NSD2: variants seen among roughly 807,000 people sequenced by gnomAD.
The protein encoded by NSD2 is histone-lysine N-methyltransferase NSD2.
NSD2 carries 12 observed loss-of-function variants against 139.0 expected under a neutral mutation model. The observed-to-expected ratio is 0.09, with a 90% confidence interval of 0.06 to 0.14. NSD2 has a LOEUF of 0.14. Ranked by LOEUF, NSD2 falls within the 10% of genes least tolerant of loss-of-function variation. The pLI, the probability that NSD2 is intolerant of heterozygous loss-of-function variation, is 1.00. For synonymous variants in NSD2, 669 were observed against 648.7 expected (o/e 1.03, Z -0.48); for missense variants, 1,155 against 1,745.0 (o/e 0.66, Z 6.02).
chr4:1,933,353 GACAGCGTCCTTCAGGGCA>G (rs1721902966), intron 6 of NSD2, among the ~76,000 whole-genome samples: 1 of 152,216 alleles, frequency 6.6e-6, no homozygotes, highest in Admixed American at 6.5e-5. Context: ...GCTTGAGGGT[GACAGCGTCCTTCAGGGCA>G]ACAGTGTCCT....
At position 1,906,927 on chromosome 4, in the gene NSD2, C is replaced by T. The variant is rs569456866; in HGVS notation, c.760+2549C>T. 2.4e-3 allele frequency among the ~76,000 whole-genome samples: 368 copies of T among 152,230 alleles called. 3 individuals carry two copies. The highest frequency in any genetic ancestry group is 4.6e-3 in the Non-Finnish European group (313 of 68,004). ...CTGCCCACCTCGGCCTCCCAAAGTG[C>T]TGGGATTACAGGCGTGAGCCACCGT... On this transcript the variant is annotated intron_variant, in intron 3 of 21. Transcript: ENST00000508803.
At chr4:1,872,629 A>AGAGAGAGC (rs1553856462) in intron 1 of NSD2, among the ~76,000 whole-genome samples, 93 of 142,656 alleles carry the variant, frequency 6.5e-4, no homozygotes, top group African/African-American at 2.2e-3. Flanking sequence ...AGAGAGAGAG[A>AGAGAGAGC]GAGAGAGCGC....
chr4:1,930,908 A>T, intron 6 of NSD2, 138 bp downstream of exon 6: 1 of 1,094,326 alleles, frequency 9.1e-7, no homozygotes, highest in Non-Finnish European at 1.3e-6. Flanking sequence ...CCAGCGGTCC[A>T]AGTGCGTGTG....
intron 2 of NSD2, among the ~76,000 whole-genome samples, chr4:1,903,546 G>A (rs1717473966): frequency 6.6e-6 from 1 of 152,074 alleles, no homozygotes; most frequent in South Asian, 2.1e-4. Flanking sequence ...TGACTGGAGG[G>A]GCAGAAGTCA....
chr4:1,935,062 G>T, intron 6 of NSD2, 82 bp from the exon 7 acceptor site: 1 of 1,028,804 alleles, frequency 9.7e-7, no homozygotes, highest in Non-Finnish European at 1.4e-6. Flanking sequence ...TATGTTGAAT[G>T]CCCTGGGTAG....
At chr4:1,943,429 TA>T (rs528090663) in intron 9 of NSD2, 1,387 of 1,043,456 alleles carry the variant, frequency 1.3e-3, no homozygotes, top group Admixed American at 5.6e-3. Flanking sequence ...ATAAAAATGA[TA>T]AAATTGCCAT....
At position 1,979,261 on chromosome 4, in the gene NSD2, T is replaced by C. The variant is rs1727500830; in HGVS notation, c.*352T>C. 1 of 264,500 alleles carries C rather than the reference T, an allele frequency of 3.8e-6. No individual in the cohort carries two copies. The highest frequency in any genetic ancestry group is 7.1e-6 in the Non-Finnish European group (1 of 139,928). The allele number at this position is 264,500 out of a possible 1,614,324, so 16.4% of individuals were successfully genotyped here. ...GAATGTTTTAATCTCCTCTGAAATG[T>C]GTAGCGTAGGCTTTTCCCAAGGGTC... On this transcript the variant is annotated 3_prime_UTR_variant, in exon 22 of 22. Coordinates refer to ENST00000508803, the MANE Select transcript of NSD2 (RefSeq NM_001042424.3).
intron 7 of NSD2, 32 bp from the exon 8 acceptor site, chr4:1,938,419 T>G: frequency 1.7e-5 from 14 of 803,176 alleles, no homozygotes; most frequent in Non-Finnish European, 2.0e-5. Flanking sequence ...TTTCTTTCTT[T>G]TTTTTTTTTT....
chr4:1,905,653 G>A (rs1412744916), intron 3 of NSD2, among the ~76,000 whole-genome samples: 1 of 152,268 alleles, frequency 6.6e-6, no homozygotes, highest in Non-Finnish European at 1.5e-5. Context: ...TAGAGGGGCA[G>A]GCTGAGGACG....
chr4:1,871,545 C>T lies in NSD2; in HGVS notation c.-30+3C>T, dbSNP rs1049372285. On this transcript the variant is annotated splice_donor_region_variant and intron_variant, in intron 1 of 21. Coordinates refer to ENST00000508803, the MANE Select transcript of NSD2 (RefSeq NM_001042424.3). Reference sequence around the variant, plus strand: ...GCCGAGGATGCGACGCACCGCAGGTCACTGGGGCGCCCGCCCAACAGTCGC... The same window carrying T: ...GCCGAGGATGCGACGCACCGCAGGTTACTGGGGCGCCCGCCCAACAGTCGC... The T allele has an allele frequency of 3.3e-5, 5 of 151,290 alleles. No homozygotes were observed. Among genetic ancestry groups the T allele is most frequent in the African/African-American group, 1.2e-4 (5 of 41,282 alleles). 9.4% of individuals were successfully genotyped at this position (151,290 alleles called of 1,614,324 possible). A position where few individuals can be genotyped will look rare whatever the true frequency, so the allele number is the denominator to read the frequency against.
Position 1,930,718 on chromosome 4 carries a change from C to G in NSD2, c.1503C>G (p.Arg501=). 6.2e-7 allele frequency: 1 copy of G among 1,613,940 alleles called. No individual in the cohort carries two copies. The highest frequency in any genetic ancestry group is 8.5e-7 in the Non-Finnish European group (1 of 1,179,954). Reference sequence around the variant, plus strand: ...TGCTGAGTGAGAAGCAGAGAGCACGCTACAACACCAAGTTTGCCCTGGTGG... The same window carrying G: ...TGCTGAGTGAGAAGCAGAGAGCACGGTACAACACCAAGTTTGCCCTGGTGG... ...WSLLSEKQRA[R]YNTKFALVAP... Residue 501 remains arginine, a synonymous_variant, in exon 6 of 22, where the codon CGC becomes CGG. Coordinates refer to ENST00000508803, the MANE Select transcript of NSD2 (RefSeq NM_001042424.3).
chr4:1,874,639 G>C (rs1435660651), intron 1 of NSD2, among the ~76,000 whole-genome samples: 1 of 152,130 alleles, frequency 6.6e-6, no homozygotes, highest in Admixed American at 6.6e-5. Context: ...AAAGGAAATG[G>C]CTTGGCTAAG....
chr4:1,885,184 G>A (rs899936324), intron 1 of NSD2, among the ~76,000 whole-genome samples: 4 of 152,192 alleles, frequency 2.6e-5, no homozygotes, highest in African/African-American at 9.6e-5. Context: ...AGTGCTGCTT[G>A]TTTGTCCACT....
intron 9 of NSD2, chr4:1,945,114 G>C: frequency 9.4e-7 from 1 of 1,066,412 alleles, no homozygotes; most frequent in Non-Finnish European, 1.1e-6. Context: ...GAGGATCTCC[G>C]AGAGGTCCCC....
chr4:1,948,849 C>G lies in NSD2; in HGVS notation c.1882-2223C>G. 1.0e-6 allele frequency: 1 copy of G among 990,028 alleles called. No individual in the cohort carries two copies. The highest frequency in any genetic ancestry group is 4.9e-4 in the Middle Eastern group (1 of 2,046). The allele number at this position is 990,028 out of a possible 1,614,324, so 61.3% of individuals were successfully genotyped here. A position where few individuals can be genotyped will look rare whatever the true frequency, so the allele number is the denominator to read the frequency against. On this transcript the variant is annotated intron_variant, in intron 9 of 21. Coordinates refer to ENST00000508803, the MANE Select transcript of NSD2 (RefSeq NM_001042424.3). The surrounding 1 kb of genome is among the most constrained non-coding windows in gnomAD (Gnocchi z 4.5). ...GGACTGCTTTGTGTTTTCTGTCTTT[C>G]TCTCCATGCATTTTTTTTCTCATTT...
Position 1,977,987 on chromosome 4 carries a change from C to T in NSD2, c.3827-651C>T, listed in dbSNP as rs533806790. Among the ~76,000 whole-genome samples, 62 of 151,406 alleles carry T rather than the reference C, an allele frequency of 4.1e-4. No homozygotes were observed. In the South Asian group the frequency reaches 0.012, roughly 30 times the overall value. On this transcript the variant is annotated intron_variant, in intron 21 of 21. Coordinates refer to ENST00000508803, the MANE Select transcript of NSD2 (RefSeq NM_001042424.3). The stretch of plus-strand genomic sequence containing the variant: ...ACTGAACATAGAAAAATTAGCTGGT[C>T]GTGGTGGCGGGCGCCTGTAATCCTG...
intron 18 of NSD2, among the ~76,000 whole-genome samples, chr4:1,966,530 G>C (rs925470679): frequency 6.6e-6 from 1 of 151,856 alleles, no homozygotes; most frequent in African/African-American, 2.4e-5. Flanking sequence ...GGTGGCAGGC[G>C]CCTGTAATCC....
At chr4:1,947,811 C>T (rs570991456) in intron 9 of NSD2, 10 of 1,047,818 alleles carry the variant, frequency 9.5e-6, no homozygotes, top group South Asian at 4.6e-5. Context: ...ATTTCAAAAA[C>T]GATGTCGTAT....
At chr4:1,939,245 C>G (rs929436985) in intron 8 of NSD2, 1 of 163,620 alleles carries the variant, frequency 6.1e-6, no homozygotes, top group Admixed American at 5.8e-5. Flanking sequence ...TGAACGCTAG[C>G]TGATGATATA....
Sources: gnomAD v4.1 joint callset for allele counts (sites outside exome capture counted in the v4.1 genomes callset) on GRCh38, gnomAD v4.1.1 for gene constraint, Gnocchi (gnomAD v3.1) non-coding constraint, MANE v1.5 for transcripts, NCBI Gene and HGNC (gene_info 2026-07-23, HGNC 2026-07-21) for gene names.